Variants in ESR2 observed in about 807,000 individuals in gnomAD.
ESR2 encodes estrogen receptor 2, also known as estrogen receptor beta.
A neutral mutation model predicts 49.6 loss-of-function variants in ESR2; 36 were observed. That is an observed-to-expected ratio of 0.73 (90% confidence interval 0.56 to 0.96). ESR2 has a LOEUF of 0.96. Among genes scored for constraint, ESR2 ranks in the 40% least tolerant of loss-of-function variants. The pLI is 0.00. For missense variants in ESR2, 714 were observed against 693.0 expected, an observed-to-expected ratio of 1.03 and a Z score of -0.34; for synonymous variants, 320 against 266.1, an observed-to-expected ratio of 1.20 and a Z score of -1.97.
intron 1 of ESR2, among the ~76,000 whole-genome samples, chr14:64,335,408 T>C (rs1482963213): frequency 6.6e-6 from 1 of 152,228 alleles, no homozygotes; most frequent in East Asian, 1.9e-4. Flanking sequence ...CTGTGGAACC[T>C]GGAAAGACCA....
At chr14:64,247,744 G>T (rs1353882291) in intron 7 of ESR2, among the ~76,000 whole-genome samples, 1 of 152,174 alleles carries the variant, frequency 6.6e-6, no homozygotes, top group African/African-American at 2.4e-5. Context: ...ACACCAGGTA[G>T]ATCGTGAAAT....
intron 1 of ESR2, among the ~76,000 whole-genome samples, chr14:64,309,631 C>T (rs368193978): frequency 1.6e-5 from 2 of 124,450 alleles, no homozygotes; most frequent in Non-Finnish European, 3.3e-5. Flanking sequence ...GAGAATCTTG[C>T]GTCAAGTGAA....
chr14:64,286,064 G>A (rs1329788342), intron 1 of ESR2, among the ~76,000 whole-genome samples: 1 of 152,074 alleles, frequency 6.6e-6, no homozygotes, highest in African/African-American at 2.4e-5. Context: ...AAGGAGTTCT[G>A]GGACATACAC....
At chr14:64,283,714 C>T (rs2076729044) in intron 1 of ESR2, among the ~76,000 whole-genome samples, 1 of 133,372 alleles carries the variant, frequency 7.5e-6, no homozygotes, top group Non-Finnish European at 1.5e-5. Context: ...TGCCACCGCG[C>T]TCCAGCCTGG....
intron 4 of ESR2, among the ~76,000 whole-genome samples, chr14:64,267,732 A>AT (rs994328289): frequency 1.3e-5 from 2 of 151,588 alleles, no homozygotes; most frequent in African/African-American, 4.8e-5. Context: ...AAAAAAAAAA[A>AT]AATTAGCCAG....
downstream of ESR2, chr14:64,227,537 T>TA: frequency 6.2e-7 from 1 of 1,614,238 alleles, no homozygotes. Flanking sequence ...AGAGGGTCAC[T>TA]GCTCCATCGT....
chr14:64,302,063 CCT>C (rs1373589705), intron 1 of ESR2, among the ~76,000 whole-genome samples: 1 of 152,124 alleles, frequency 6.6e-6, no homozygotes, highest in Non-Finnish European at 1.5e-5. Flanking sequence ...GAGAAAGACC[CCT>C]GACACCTGAC....
At chr14:64,233,426 CT>C in intron 8 of ESR2, 103 bp from the exon 9 acceptor site, 1 of 1,091,882 alleles carries the variant, frequency 9.2e-7, no homozygotes, top group Non-Finnish European at 1.3e-6. Context: ...TACCCCACCC[CT>C]AAACCCACTC....
downstream of ESR2, chr14:64,227,782 A>C: frequency 6.5e-7 from 1 of 1,538,748 alleles, no homozygotes. Flanking sequence ...CTTTCACTCA[A>C]AGCTCAGTGT....
intron 3 of ESR2, among the ~76,000 whole-genome samples, chr14:64,271,132 G>T (rs957554789): frequency 2.0e-5 from 3 of 151,040 alleles, no homozygotes; most frequent in Admixed American, 1.3e-4. Context: ...CCGAGACAGG[G>T]TCTCCCTCTG....
chr14:64,305,316 A>G (rs2077077616), intron 1 of ESR2, among the ~76,000 whole-genome samples: 1 of 147,512 alleles, frequency 6.8e-6, no homozygotes, highest in Admixed American at 6.8e-5. Flanking sequence ...AAATTAATTA[A>G]TAGGCAACAT....
intron 6 of ESR2, among the ~76,000 whole-genome samples, chr14:64,253,631 T>C (rs1489801766): frequency 4.0e-5 from 6 of 151,878 alleles, no homozygotes; most frequent in African/African-American, 1.5e-4. Flanking sequence ...TATATATATA[T>C]ATATCTCTGC....
intron 1 of ESR2, among the ~76,000 whole-genome samples, chr14:64,285,159 A>G (rs1264065356): frequency 6.6e-6 from 1 of 151,928 alleles, no homozygotes; most frequent in Non-Finnish European, 1.5e-5. Flanking sequence ...AGCTCTCATT[A>G]CTTCTTATCA....
intron 7 of ESR2, 118 bp from the exon 8 acceptor site, chr14:64,235,268 G>T: frequency 2.0e-6 from 2 of 1,024,654 alleles, no homozygotes; most frequent in Non-Finnish European, 2.8e-6. Flanking sequence ...AGCTGCATGT[G>T]TGGCAGGAGC....
intron 1 of ESR2, among the ~76,000 whole-genome samples, chr14:64,286,353 T>C (rs2076785371): frequency 6.6e-6 from 1 of 151,880 alleles, no homozygotes; most frequent in African/African-American, 2.4e-5. Context: ...CAGGCTGGAG[T>C]GCAGTGGTAC....
At chr14:64,270,515 A>ATT (rs199521998) in intron 3 of ESR2, among the ~76,000 whole-genome samples, 1 of 147,054 alleles carries the variant, frequency 6.8e-6, no homozygotes, top group African/African-American at 2.5e-5. Flanking sequence ...TGAAAAGGTA[A>ATT]TTTTTTTTTT....
chr14:64,334,411 A>G (rs1329107246), intron 1 of ESR2, among the ~76,000 whole-genome samples: 2 of 152,202 alleles, frequency 1.3e-5, no homozygotes, highest in East Asian at 3.8e-4. Context: ...GAGTAGGCCT[A>G]TTTCTCACCA....
intron 6 of ESR2, among the ~76,000 whole-genome samples, chr14:64,254,285 G>T (rs66969518): frequency 0.067 from 10,145 of 152,158 alleles, 394 homozygotes; most frequent in Non-Finnish European, 0.08. Flanking sequence ...AAAAAGAGTC[G>T]TAATAGAAGT....
intron 1 of ESR2, among the ~76,000 whole-genome samples, chr14:64,315,494 A>G (rs2077243094): frequency 6.6e-6 from 1 of 151,914 alleles, no homozygotes; most frequent in African/African-American, 2.4e-5. Flanking sequence ...TATTTTTTTG[A>G]GACAGAGTCT....
Sources: gnomAD v4.1 joint callset for allele counts (sites outside exome capture counted in the v4.1 genomes callset) on GRCh38, gnomAD v4.1.1 for gene constraint, MANE v1.5 for transcripts, NCBI Gene and HGNC (gene_info 2026-07-23, HGNC 2026-07-21) for gene names.